Variants in DSE observed in about 807,000 individuals in gnomAD.
The protein encoded by DSE is dermatan-sulfate epimerase.
DSE carries 36 observed loss-of-function variants against 84.4 expected under a neutral mutation model. The ratio of observed to expected loss-of-function variants is 0.43; its 90% CI spans 0.33 to 0.56. The LOEUF is 0.56. Ranked by LOEUF, DSE falls within the 20% of genes least tolerant of loss-of-function variation. The pLI, the probability that DSE is intolerant of heterozygous loss-of-function variation, is 0.06. For missense variants in DSE, 862 were observed against 1,169.6 expected (o/e 0.74, Z 3.84); for synonymous variants, 410 against 430.1 (o/e 0.95, Z 0.58).
chr6:116,323,076 A>T (rs1348589508), intron 2 of DSE, among the ~76,000 whole-genome samples: 1 of 152,220 alleles, frequency 6.6e-6, no homozygotes, highest in Admixed American at 6.5e-5. Context: ...GTCTGTGATT[A>T]TGGAATCCCA....
Position 116,442,063 on chromosome 6 carries a change from G to A in DSE, c.*4718G>A, listed in dbSNP as rs1235209409. ...TCCCATAAACAGTGGTTTCTGATGT[G>A]ATTACTTATGATCAGACACTTGAAA... is the stretch of plus-strand genomic sequence containing the variant. On this transcript the variant is annotated 3_prime_UTR_variant, in exon 6 of 6. Transcript: ENST00000644252. 6.6e-6 allele frequency: 1 copy of A among 152,236 alleles called. No homozygotes were observed. Among genetic ancestry groups the A allele is most frequent in the Non-Finnish European group, 1.5e-5 (1 of 68,074 alleles). The allele number at this position is 152,236 out of a possible 1,614,324, so 9.4% of individuals were successfully genotyped here.
intron 2 of DSE, among the ~76,000 whole-genome samples, chr6:116,352,427 A>T (rs537955763): frequency 2.0e-5 from 3 of 152,276 alleles, no homozygotes; most frequent in African/African-American, 7.2e-5. Context: ...GCTCCAGAAG[A>T]ATCTCTCAAT....
At chr6:116,396,636 C>T (rs1249501192) in intron 1 of DSE, among the ~76,000 whole-genome samples, 2 of 152,320 alleles carry the variant, frequency 1.3e-5, no homozygotes, top group East Asian at 3.9e-4. Context: ...CTTCCCAAAA[C>T]AACATCTTAA....
At chr6:116,389,147 T>C (rs111410001) in intron 1 of DSE, among the ~76,000 whole-genome samples, 218 of 152,340 alleles carry the variant, frequency 1.4e-3, no homozygotes, top group African/African-American at 5.1e-3. Flanking sequence ...CTAGTATTTA[T>C]TGAGCACTTT....
At chr6:116,368,559 AAACTT>A (rs1397490586), upstream of DSE, among the ~76,000 whole-genome samples, 2 of 152,250 alleles carry the variant, frequency 1.3e-5, no homozygotes, top group Admixed American at 1.3e-4. Context: ...TTCTCCAACT[AAACTT>A]TTAACACTTT....
intron 1 of DSE, among the ~76,000 whole-genome samples, chr6:116,380,842 TTAGTAC>T (rs1326642903): frequency 6.6e-6 from 1 of 152,096 alleles, no homozygotes; most frequent in Non-Finnish European, 1.5e-5. Context: ...ATGCACATAG[TTAGTAC>T]TAAGTGTATA....
intron 1 of DSE, chr6:116,375,372 G>GA (rs1562264267): frequency 5.7e-6 from 1 of 176,490 alleles, no homozygotes; most frequent in Non-Finnish European, 1.1e-5. Flanking sequence ...TTTCTTTAAA[G>GA]AAAAATCTTT....
intron 2 of DSE, among the ~76,000 whole-genome samples, chr6:116,340,230 T>C (rs549940878): frequency 6.6e-6 from 1 of 152,290 alleles, no homozygotes; most frequent in Non-Finnish European, 1.5e-5. Flanking sequence ...TGTCTCCTTC[T>C]CTCTCTTGTT....
chr6:116,279,905 C>A (rs1392305415), intron 2 of DSE: 1 of 1,595,716 alleles, frequency 6.3e-7, no homozygotes, highest in South Asian at 1.1e-5. Flanking sequence ...AACCGCCGCT[C>A]GCACCGCCCA....
chr6:116,382,035 T>TTTG (rs1344111481), intron 1 of DSE, among the ~76,000 whole-genome samples: 2 of 61,568 alleles, frequency 3.2e-5, no homozygotes, highest in African/African-American at 1.2e-4. Flanking sequence ...TCACATGGCA[T>TTTG]TCTGTGTGTG....
At chr6:116,399,172 C>G (rs1461747595) in intron 1 of DSE, 26 bp from the exon 2 acceptor site, 1 of 1,590,846 alleles carries the variant, frequency 6.3e-7, no homozygotes, top group African/African-American at 1.3e-5. Context: ...CTGACAGACA[C>G]TTTTTTTCCT....
intron 2 of DSE, among the ~76,000 whole-genome samples, chr6:116,260,255 T>G (rs56403156): frequency 6.6e-6 from 1 of 152,226 alleles, no homozygotes; most frequent in African/African-American, 2.4e-5. Flanking sequence ...GCTTTTTTTT[T>G]CACATGAATA....
At chr6:116,287,380 G>A (rs896089950) in intron 2 of DSE, among the ~76,000 whole-genome samples, 1 of 151,656 alleles carries the variant, frequency 6.6e-6, no homozygotes, top group Non-Finnish European at 1.5e-5. Flanking sequence ...TTTTATTTCT[G>A]TCTAAAGCCT....
chr6:116,387,889 C>A (rs1482514042), intron 1 of DSE, among the ~76,000 whole-genome samples: 1 of 152,070 alleles, frequency 6.6e-6, no homozygotes, highest in African/African-American at 2.4e-5. Context: ...CCCAAAGTGT[C>A]AGGGAAGAGG....
At chr6:116,260,184 G>A (rs375923108) in intron 2 of DSE, among the ~76,000 whole-genome samples, 1 of 152,036 alleles carries the variant, frequency 6.6e-6, no homozygotes, top group African/African-American at 2.4e-5. Context: ...CATTCTGACT[G>A]GTATGAGATA....
chr6:116,300,366 C>T (rs1228324833), intron 2 of DSE, among the ~76,000 whole-genome samples: 3 of 152,098 alleles, frequency 2.0e-5, no homozygotes, highest in African/African-American at 7.2e-5. Context: ...TATTTTCATA[C>T]AAATGCAAAA....
intron 2 of DSE, among the ~76,000 whole-genome samples, chr6:116,416,443 T>C (rs1471941382): frequency 1.3e-5 from 2 of 151,952 alleles, no homozygotes; most frequent in Admixed American, 6.6e-5. Flanking sequence ...TAAATCTTTT[T>C]CATTGGGAAA....
chr6:116,391,278 T>A (rs1163046874), intron 1 of DSE, among the ~76,000 whole-genome samples: 2 of 152,178 alleles, frequency 1.3e-5, no homozygotes, highest in African/African-American at 4.8e-5. Context: ...AGTTTTTTTT[T>A]AATGTTGTAT....
intron 1 of DSE, among the ~76,000 whole-genome samples, chr6:116,383,272 C>T (rs1318363729): frequency 6.6e-6 from 1 of 151,674 alleles, no homozygotes; most frequent in Non-Finnish European, 1.5e-5. Context: ...GTTTTTTTTC[C>T]AGCATAGACA....
Sources: allele counts gnomAD v4.1 joint callset (sites outside exome capture counted in the v4.1 genomes callset), GRCh38; gene constraint gnomAD v4.1.1; transcripts MANE v1.5; gene names NCBI Gene and HGNC (gene_info 2026-07-23, HGNC 2026-07-21).